Variants in CCSER1 observed in about 807,000 individuals in gnomAD.
CCSER1 encodes the protein coiled-coil serine rich protein 1.
CCSER1 carries 41 observed loss-of-function variants against 82.0 expected under a neutral mutation model. That is an observed-to-expected ratio of 0.50 (90% CI 0.39 to 0.65). The LOEUF is 0.65. Among genes scored for constraint, CCSER1 ranks in the 30% least tolerant of loss-of-function variants. The pLI is 0.00. For missense variants in CCSER1, 1,119 were observed against 1,064.2 expected, an observed-to-expected ratio of 1.05 and a Z score of -0.72; for synonymous variants, 414 against 383.9, an observed-to-expected ratio of 1.08 and a Z score of -0.92.
At chr4:90,753,314 A>T (rs543728170) in intron 7 of CCSER1, among the ~76,000 whole-genome samples, 10 of 152,290 alleles carry the variant, frequency 6.6e-5, no homozygotes, top group African/African-American at 2.4e-4. Context: ...AGAAACAAAC[A>T]GAAGGTATGG....
At position 90,251,684 on chromosome 4, in the gene CCSER1, A is replaced by G. The variant is rs10020742; in HGVS notation, c.-41-56560A>G. 6.8e-3 allele frequency among the ~76,000 whole-genome samples: 1,030 copies of G among 151,830 alleles called. 8 individuals carry two copies. Among genetic ancestry groups the G allele is most frequent in the African/African-American group, 0.024 (996 of 41,496 alleles). ...AAGACATTGTTCTTTTCTTTATTAT[A>G]GGTGTATTTAGAGTTTTCTATTTAC... On this transcript the variant is annotated intron_variant, in intron 1 of 10. Coordinates refer to ENST00000509176, the MANE Select transcript of CCSER1 (RefSeq NM_001145065.2).
chr4:90,886,409 G>A (rs916067958), intron 8 of CCSER1, among the ~76,000 whole-genome samples: 2 of 152,110 alleles, frequency 1.3e-5, no homozygotes, highest in Non-Finnish European at 2.9e-5. Context: ...GCCTAAGTGA[G>A]CTACCTCCCC....
At chr4:91,046,689 TTTGTTGTTG>T (rs547912496) in intron 9 of CCSER1, among the ~76,000 whole-genome samples, 5 of 151,722 alleles carry the variant, frequency 3.3e-5, no homozygotes, top group Admixed American at 6.6e-5. Context: ...TAATATGTTT[TTTGTTGTTG>T]TTGTTGTTGT....
chr4:91,479,288 A>G (rs1757760115), intron 10 of CCSER1, among the ~76,000 whole-genome samples: 1 of 151,886 alleles, frequency 6.6e-6, no homozygotes, highest in Admixed American at 6.6e-5. Flanking sequence ...ATGGGATTAC[A>G]TGGATTCCGT....
At chr4:91,534,171 T>G (rs2110176077) in intron 10 of CCSER1, among the ~76,000 whole-genome samples, 1 of 152,202 alleles carries the variant, frequency 6.6e-6, no homozygotes, top group East Asian at 1.9e-4. Flanking sequence ...TAAATTCTCA[T>G]TAGCCACTAC....
intron 10 of CCSER1, among the ~76,000 whole-genome samples, chr4:91,521,993 C>T (rs1267986244): frequency 2.6e-5 from 4 of 152,142 alleles, no homozygotes; most frequent in Non-Finnish European, 5.9e-5. Flanking sequence ...AGATTTTCTT[C>T]TAGGGTTTTT....
At chr4:90,845,359 TAA>T (rs886923723) in intron 8 of CCSER1, among the ~76,000 whole-genome samples, 69 of 96,562 alleles carry the variant, frequency 7.1e-4, no homozygotes, top group East Asian at 9.0e-4. Flanking sequence ...AGACGCCATC[TAA>T]AAAAAAAAAA....
chr4:91,111,383 A>G (rs1254809570), intron 10 of CCSER1, among the ~76,000 whole-genome samples: 2 of 151,996 alleles, frequency 1.3e-5, no homozygotes, highest in Non-Finnish European at 2.9e-5. Context: ...TTAAAATGAC[A>G]TTGTTAAATG....
intron 10 of CCSER1, among the ~76,000 whole-genome samples, chr4:91,381,823 T>G (rs1397199697): frequency 6.6e-6 from 1 of 152,198 alleles, no homozygotes; most frequent in Admixed American, 6.5e-5. Flanking sequence ...GGCACTCTGA[T>G]TTTTAGAACT....
chr4:91,320,503 C>G (rs1220800640), intron 10 of CCSER1, among the ~76,000 whole-genome samples: 2 of 151,932 alleles, frequency 1.3e-5, no homozygotes, highest in Admixed American at 1.3e-4. Flanking sequence ...TAGGAAACAC[C>G]TCAGCAATTA....
chr4:90,799,096 G>A (rs1756433454), intron 7 of CCSER1, among the ~76,000 whole-genome samples: 1 of 152,136 alleles, frequency 6.6e-6, no homozygotes, highest in Non-Finnish European at 1.5e-5. Context: ...TTGGCGGTGA[G>A]GGGGGTCTCT....
chr4:90,312,122 ATAAT>A (rs954298083), intron 2 of CCSER1, among the ~76,000 whole-genome samples: 1 of 152,240 alleles, frequency 6.6e-6, no homozygotes, highest in African/African-American at 2.4e-5. Flanking sequence ...AGGAACTTAA[ATAAT>A]AAGTCATACA....
At chr4:91,547,439 T>A (rs971365173) in intron 10 of CCSER1, among the ~76,000 whole-genome samples, 1 of 152,194 alleles carries the variant, frequency 6.6e-6, no homozygotes, top group African/African-American at 2.4e-5. Context: ...GGCCCCTTTA[T>A]CTTTATGTAG....
At chr4:90,579,508 A>C (rs962309144) in intron 5 of CCSER1, among the ~76,000 whole-genome samples, 1 of 152,178 alleles carries the variant, frequency 6.6e-6, no homozygotes, top group Non-Finnish European at 1.5e-5. Context: ...AAGCTTTTCC[A>C]TTTAGACAAT....
chr4:91,474,376 T>C (rs1344032815), intron 10 of CCSER1, among the ~76,000 whole-genome samples: 1 of 151,968 alleles, frequency 6.6e-6, no homozygotes, highest in African/African-American at 2.4e-5. Context: ...GTTACAATTA[T>C]ATAATTACAT....
At chr4:91,288,313 T>G (rs1382308440) in intron 10 of CCSER1, among the ~76,000 whole-genome samples, 2 of 151,776 alleles carry the variant, frequency 1.3e-5, no homozygotes, top group Non-Finnish European at 2.9e-5. Context: ...CAATTTTTCT[T>G]TAACCATCAG....
At chr4:91,150,989 T>G (rs757669562) in intron 10 of CCSER1, among the ~76,000 whole-genome samples, 1 of 152,216 alleles carries the variant, frequency 6.6e-6, no homozygotes, top group African/African-American at 2.4e-5. Context: ...CCTCCCAAAA[T>G]GAGTTAGGGA....
intron 10 of CCSER1, among the ~76,000 whole-genome samples, chr4:91,269,956 G>C (rs1741897214): frequency 6.6e-6 from 1 of 152,122 alleles, no homozygotes. Context: ...GTTCTTTTAT[G>C]AATTATATGG....
At chr4:91,398,069 T>A (rs896935182) in intron 10 of CCSER1, among the ~76,000 whole-genome samples, 4 of 152,020 alleles carry the variant, frequency 2.6e-5, no homozygotes, top group Admixed American at 6.6e-5. Flanking sequence ...TTATTTTTTT[T>A]AAAACTTTTT....
Sources: gnomAD v4.1 joint callset for allele counts (sites outside exome capture counted in the v4.1 genomes callset) on GRCh38, gnomAD v4.1.1 for gene constraint, MANE v1.5 for transcripts, NCBI Gene and HGNC (gene_info 2026-07-23, HGNC 2026-07-21) for gene names.